LAYN: variants seen among roughly 807,000 people sequenced by gnomAD.
LAYN encodes the protein layilin.
LAYN carries 38 observed loss-of-function variants against 43.6 expected under a neutral mutation model. That is an observed-to-expected ratio of 0.87 (90% CI 0.67 to 1.14). LAYN has a LOEUF of 1.14. Ranked by LOEUF, LAYN falls within the 50% of genes most tolerant of loss-of-function variation. The pLI is 0.00. For synonymous variants in LAYN, 168 were observed against 172.9 expected, an observed-to-expected ratio of 0.97 and a Z score of 0.22; for missense variants, 479 against 463.8, an observed-to-expected ratio of 1.03 and a Z score of -0.30.
chr11:111,559,438 T>C lies in LAYN; in HGVS notation c.762-657T>C, dbSNP rs530957975. ...GTCGTGTTTTTTGTTGTTTTGGTTT[T>C]ATTTTATTTTATTTTATTATTTTAT... On this transcript the variant is annotated intron_variant, in intron 6 of 6. Transcript: ENST00000375614. Among the ~76,000 whole-genome samples, 8 of 151,680 alleles carry C rather than the reference T, an allele frequency of 5.3e-5. No individual in the cohort carries two copies. In the South Asian group the frequency reaches 1.7e-3, roughly 31 times the overall value.
At chr11:111,557,758 A>G (rs1867872899) in intron 6 of LAYN, 115 bp downstream of exon 6, 1 of 846,498 alleles carries the variant, frequency 1.2e-6, no homozygotes, top group African/African-American at 1.7e-5. Flanking sequence ...TCACCATTGC[A>G]GATTGGAGAG....
intron 6 of LAYN, 153 bp downstream of exon 6, chr11:111,557,796 A>C (rs1867873438): frequency 1.4e-6 from 1 of 707,936 alleles, no homozygotes; most frequent in Middle Eastern, 2.7e-4. Flanking sequence ...CAGGGCATTC[A>C]GAAGTACTAG....
chr11:111,560,183 T>A lies in LAYN; in HGVS notation c.850T>A (p.Tyr284Asn). 6.2e-7 allele frequency: 1 copy of A among 1,614,218 alleles called. No homozygotes were observed. Among genetic ancestry groups the A allele is most frequent in the Non-Finnish European group, 8.5e-7 (1 of 1,180,028 alleles). ...HQGNSPDLEV[Y>N]NVIRKQSEAD... ...GGGAAACAGCCCGGACCTAGAGGTC[T>A]ACAATGTCATAAGAAAACAAAGCGA... The change falls in exon 7 of 7, where the codon TAC (tyrosine) becomes AAC (asparagine). Residue 284 changes from tyrosine (Y) to asparagine (N), a missense_variant. Coordinates refer to ENST00000375614, the MANE Select transcript of LAYN (RefSeq NM_178834.5).
chr11:111,540,852 G>A lies in LAYN; in HGVS notation c.9G>A (p.Pro3=), dbSNP rs1363563555. Residue 3 remains proline, a synonymous_variant, in exon 1 of 7, where the codon CCG becomes CCA. Coordinates refer to ENST00000375614, the MANE Select transcript of LAYN (RefSeq NM_178834.5). MR[P]GTALQAVLLA... ...CGCACCCGAGTCGGGCCATGAGGCC[G>A]GGAACCGCGCTACAGGCCGTGCTGC... is the stretch of plus-strand genomic sequence containing the variant. 1.3e-6 allele frequency: 2 copies of A among 1,530,156 alleles called. No individual in the cohort carries two copies. Among genetic ancestry groups the A allele is most frequent in the African/African-American group, 1.4e-5 (1 of 72,498 alleles). 94.8% of individuals were successfully genotyped at this position (1,530,156 alleles called of 1,614,324 possible).
chr11:111,554,728 G>C (rs1379914650), intron 4 of LAYN, 135 bp downstream of exon 4: 2 of 708,656 alleles, frequency 2.8e-6, no homozygotes, highest in Non-Finnish European at 4.8e-6. Context: ...ATTTGGGACA[G>C]GTATACACCA....
chr11:111,559,110 A>G (rs1274248606), intron 6 of LAYN, among the ~76,000 whole-genome samples: 1 of 152,136 alleles, frequency 6.6e-6, no homozygotes, highest in African/African-American at 2.4e-5. Context: ...AAATGCATAA[A>G]ATAAAATACA....
At chr11:111,554,868 A>G (rs748197114) in intron 4 of LAYN, among the ~76,000 whole-genome samples, 19 of 152,214 alleles carry the variant, frequency 1.2e-4, no homozygotes, top group Non-Finnish European at 1.9e-4. Context: ...AATTTAATCT[A>G]ATGAGACCAA....
In LAYN at chr11:111,551,868, T is replaced by A. The variant is rs1867749398; in HGVS notation, c.541+2093T>A. 3.3e-5 allele frequency among the ~76,000 whole-genome samples: 5 copies of A among 152,224 alleles called. No homozygotes were observed. The South Asian group carries it at 1.0e-3, about 32-fold the overall frequency. On this transcript the variant is annotated intron_variant, in intron 3 of 6. Transcript: ENST00000375614. Reference sequence around the variant, plus strand: ...GAAAATAGTATTGCATCAATGTTAATTTCTTGCTTTTGATCATTGTACTGT... The same window carrying A: ...GAAAATAGTATTGCATCAATGTTAAATTCTTGCTTTTGATCATTGTACTGT...
At chr11:111,550,775 G>C (rs541399051) in intron 3 of LAYN, among the ~76,000 whole-genome samples, 1 of 152,246 alleles carries the variant, frequency 6.6e-6, no homozygotes, top group South Asian at 2.1e-4. Context: ...CAAGGCACTT[G>C]TTACATACTG....
intron 2 of LAYN, among the ~76,000 whole-genome samples, chr11:111,548,657 C>T (rs1867687587): frequency 6.6e-6 from 1 of 152,164 alleles, no homozygotes; most frequent in Admixed American, 6.5e-5. Context: ...CTTACTGTGG[C>T]GCTACAGGGA....
chr11:111,546,671 CT>C (rs1316326826), intron 2 of LAYN, among the ~76,000 whole-genome samples: 1 of 152,216 alleles, frequency 6.6e-6, no homozygotes, highest in Non-Finnish European at 1.5e-5. Flanking sequence ...CTCTTTGGTC[CT>C]GGATGTACCT....
rs1241838689 is a variant in LAYN, at chr11:111,540,842, C to T, written c.-2C>T. Reference sequence around the variant, plus strand: ...TGTCGGGGGGCGCACCCGAGTCGGGCCATGAGGCCGGGAACCGCGCTACAG... The same window carrying T: ...TGTCGGGGGGCGCACCCGAGTCGGGTCATGAGGCCGGGAACCGCGCTACAG... On this transcript the variant is annotated 5_prime_UTR_variant, in exon 1 of 7. Transcript: ENST00000375614. 6.5e-7 allele frequency: 1 copy of T among 1,527,274 alleles called. No individual in the cohort carries two copies. Among genetic ancestry groups the T allele is most frequent in the Admixed American group, 2.0e-5 (1 of 50,632 alleles). 94.6% of individuals were successfully genotyped at this position (1,527,274 alleles called of 1,614,324 possible). A position where few individuals can be genotyped will look rare whatever the true frequency, so the allele number is the denominator to read the frequency against.
At chr11:111,547,559 A>G (rs1163764972) in intron 2 of LAYN, among the ~76,000 whole-genome samples, 1 of 152,224 alleles carries the variant, frequency 6.6e-6, no homozygotes, top group Non-Finnish European at 1.5e-5. Context: ...AAGGAAAAGA[A>G]TGTGTTCACC....
intron 2 of LAYN, among the ~76,000 whole-genome samples, chr11:111,546,297 G>C (rs1216680484): frequency 1.3e-5 from 2 of 152,062 alleles, no homozygotes; most frequent in Admixed American, 6.6e-5. Flanking sequence ...TTTCCATTTA[G>C]ACTCTTGATC....
chr11:111,553,541 C>T (rs1359742374), intron 3 of LAYN, among the ~76,000 whole-genome samples: 1 of 151,744 alleles, frequency 6.6e-6, no homozygotes, highest in African/African-American at 2.4e-5. Flanking sequence ...ATCGCTTGAA[C>T]CCGGGAGGCG....
intron 6 of LAYN, among the ~76,000 whole-genome samples, chr11:111,559,162 C>A (rs1867900572): frequency 6.6e-6 from 1 of 152,068 alleles, no homozygotes; most frequent in Non-Finnish European, 1.5e-5. Flanking sequence ...TATAGTTTAG[C>A]AAAATATTTC....
At position 111,543,986 on chromosome 11, in the gene LAYN, C is replaced by G. The variant is rs781274219; in HGVS notation, c.149C>G (p.Thr50Ser). Reference protein sequence around the residue: ...PCYKVIYFHDTSRRLNFEEAK... With the variant: ...PCYKVIYFHDSSRRLNFEEAK... ...TATAAAGTCATTTACTTCCATGATA[C>G]TTCTCGAAGACTGAACTTTGAGGAA... The change falls in exon 2 of 7, where the codon ACT becomes AGT. Residue 50 changes from threonine (T) to serine (S), a missense_variant. By Grantham distance (58) the Thr-to-Ser change is moderately conservative (BLOSUM62 1). Coordinates refer to ENST00000375614, the MANE Select transcript of LAYN (RefSeq NM_178834.5). 3.7e-6 allele frequency: 6 copies of G among 1,614,212 alleles called. No homozygotes were observed. Among genetic ancestry groups the G allele is most frequent in the Non-Finnish European group, 5.1e-6 (6 of 1,180,032 alleles).
At chr11:111,547,555 A>G (rs1327289570) in intron 2 of LAYN, among the ~76,000 whole-genome samples, 1 of 152,220 alleles carries the variant, frequency 6.6e-6, no homozygotes, top group Non-Finnish European at 1.5e-5. Context: ...ACAGAAGGAA[A>G]AGAATGTGTT....
intron 6 of LAYN, among the ~76,000 whole-genome samples, chr11:111,559,739 G>C (rs568164929): frequency 2.0e-5 from 3 of 152,084 alleles, no homozygotes; most frequent in Non-Finnish European, 4.4e-5. Flanking sequence ...GATTACAGGC[G>C]TGGGCCACTG....
Sources: allele counts gnomAD v4.1 joint callset (sites outside exome capture counted in the v4.1 genomes callset), GRCh38; gene constraint gnomAD v4.1.1; transcripts MANE v1.5; gene names NCBI Gene and HGNC (gene_info 2026-07-23, HGNC 2026-07-21).